The following UVRAG variants were observed in gnomAD, a reference collection of about 807,000 sequenced individuals.
UVRAG encodes UV radiation resistance associated.
Under a neutral mutation model 78.0 loss-of-function variants are expected in UVRAG, and 19 were observed. That is an observed-to-expected ratio of 0.24 (90% CI 0.17 to 0.36). The LOEUF (loss-of-function observed/expected upper bound fraction) is 0.36, where lower values mean the gene tolerates loss of function less well. UVRAG is among the 10% of genes least tolerant of loss of function. UVRAG has a pLI of 1.00. For synonymous variants in UVRAG, 323 were observed against 324.6 expected (o/e 1.00, Z 0.05); for missense variants, 740 against 853.8 (o/e 0.87, Z 1.66).
chr11:75,897,593 C>T (rs1947369751), intron 5 of UVRAG, among the ~76,000 whole-genome samples: 1 of 151,922 alleles, frequency 6.6e-6, no homozygotes, highest in Non-Finnish European at 1.5e-5. Flanking sequence ...GGCATGATCT[C>T]GGCTCACTGC....
At chr11:75,981,453 T>TA (rs1183841657) in intron 7 of UVRAG, among the ~76,000 whole-genome samples, 2 of 120,042 alleles carry the variant, frequency 1.7e-5, no homozygotes, top group Non-Finnish European at 3.2e-5. Flanking sequence ...TTTCTTTTCG[T>TA]TTTTTTTTTG....
At chr11:75,848,126 A>G (rs1946076314) in intron 1 of UVRAG, among the ~76,000 whole-genome samples, 1 of 149,390 alleles carries the variant, frequency 6.7e-6, no homozygotes, top group Admixed American at 6.7e-5. Context: ...TGAGCCTGGG[A>G]GGTTGAGGCT....
At position 75,983,417 on chromosome 11, in the gene UVRAG, A is replaced by G; in HGVS notation, c.730A>G (p.Ile244Val). 6.2e-7 allele frequency: 1 copy of G among 1,604,670 alleles called. No individual in the cohort carries two copies. The highest frequency in any genetic ancestry group is 8.5e-7 in the Non-Finnish European group (1 of 1,175,868). ...KKKSECLQLK[I>V]LVLQNELERQ... ...AAAAAGTGAATGCCTGCAGTTAAAA[A>G]TTTTGGTGCTTCAGAATGAACTGGA... is the stretch of plus-strand genomic sequence containing the variant. The change falls in exon 8 of 15, where the codon ATT becomes GTT. Residue 244 changes from isoleucine to valine, a missense_variant. Coordinates refer to ENST00000356136, the MANE Select transcript of UVRAG (RefSeq NM_003369.4).
At chr11:76,100,054 A>G (rs1391410925) in intron 13 of UVRAG, among the ~76,000 whole-genome samples, 1 of 152,136 alleles carries the variant, frequency 6.6e-6, no homozygotes, top group Non-Finnish European at 1.5e-5. Context: ...AATGTTACGC[A>G]TTCCCAATTT....
chr11:76,058,295 C>T (rs778915906), intron 12 of UVRAG, among the ~76,000 whole-genome samples: 1 of 152,032 alleles, frequency 6.6e-6, no homozygotes, highest in Non-Finnish European at 1.5e-5. Flanking sequence ...CTTTGGGAGG[C>T]TGAAGTGGGA....
chr11:75,833,451 T>G (rs1945707409), intron 1 of UVRAG, among the ~76,000 whole-genome samples: 1 of 152,204 alleles, frequency 6.6e-6, no homozygotes, highest in South Asian at 2.1e-4. Flanking sequence ...TCATGACCCT[T>G]TACCCTTAAA....
At chr11:75,883,610 G>A (rs1388357988) in intron 4 of UVRAG, among the ~76,000 whole-genome samples, 3 of 152,116 alleles carry the variant, frequency 2.0e-5, no homozygotes, top group African/African-American at 7.2e-5. Context: ...TTTCTACCAG[G>A]CATTGTTCTT....
chr11:76,017,004 A>G, intron 12 of UVRAG, 24 bp downstream of exon 12: 1 of 1,550,058 alleles, frequency 6.5e-7, no homozygotes, highest in Non-Finnish European at 8.7e-7. Context: ...TTTTAAAAAA[A>G]TGATTTTAAC....
chr11:75,853,418 G>A (rs912298694), intron 2 of UVRAG, among the ~76,000 whole-genome samples: 1 of 126,782 alleles, frequency 7.9e-6, no homozygotes, highest in African/African-American at 3.0e-5. Context: ...GGAGTGCAAT[G>A]GCGTGATCTC....
Position 75,876,114 on chromosome 11 carries a change from C to G in UVRAG, c.271-3765C>G, listed in dbSNP as rs186879614. ...GACCTCTAGATCTCCACTTACCTCT[C>G]TGGGTTCTTTCTTCCTTGGTTTGGA... is the stretch of plus-strand genomic sequence containing the variant. On this transcript the variant is annotated intron_variant, in intron 3 of 14. Coordinates refer to ENST00000356136, the MANE Select transcript of UVRAG (RefSeq NM_003369.4). Among the ~76,000 whole-genome samples the G allele has an allele frequency of 3.5e-4, 54 of 152,310 alleles. 1 individual carries two copies. The highest frequency in any genetic ancestry group is 1.2e-3 in the African/African-American group (50 of 41,560).
intron 13 of UVRAG, among the ~76,000 whole-genome samples, chr11:76,106,478 A>G (rs1951973099): frequency 6.6e-6 from 1 of 151,658 alleles, no homozygotes; most frequent in African/African-American, 2.4e-5. Context: ...CAATTCTCTC[A>G]CCTTAGCCTC....
intron 6 of UVRAG, among the ~76,000 whole-genome samples, chr11:75,959,997 C>G (rs972607562): frequency 2.6e-5 from 4 of 152,140 alleles, no homozygotes; most frequent in African/African-American, 9.7e-5. Context: ...ACGGGTACAG[C>G]TCGTGGTGCT....
At chr11:75,880,928 C>CTTTTTTTTTTT (rs773034018) in intron 4 of UVRAG, among the ~76,000 whole-genome samples, 1 of 87,708 alleles carries the variant, frequency 1.1e-5, no homozygotes, top group African/African-American at 4.3e-5. Flanking sequence ...TTATTTACTT[C>CTTTTTTTTTTT]TTTTTTTTTT....
In UVRAG at chr11:76,127,817, C is replaced by T. The variant is rs187043317; in HGVS notation, c.1397+11802C>T. Reference sequence around the variant, plus strand: ...ACTAAAAATACAAAAATTAGCCGGACGTGGTAGTGTATGCCTGTAATCCCA... The same window carrying T: ...ACTAAAAATACAAAAATTAGCCGGATGTGGTAGTGTATGCCTGTAATCCCA... On this transcript the variant is annotated intron_variant, in intron 14 of 14. Coordinates refer to ENST00000356136, the MANE Select transcript of UVRAG (RefSeq NM_003369.4). Among the ~76,000 whole-genome samples, 741 of 151,964 alleles carry T rather than the reference C, an allele frequency of 4.9e-3. 1 individual carries two copies. The highest frequency in any genetic ancestry group is 5.8e-3 in the Non-Finnish European group (394 of 67,970).
At chr11:75,840,226 ACT>A (rs1945880695) in intron 1 of UVRAG, among the ~76,000 whole-genome samples, 1 of 151,658 alleles carries the variant, frequency 6.6e-6, no homozygotes, top group Non-Finnish European at 1.5e-5. Context: ...ATGTGTACAA[ACT>A]CTAGTTCTTT....
At chr11:75,836,293 A>T (rs1179592827) in intron 1 of UVRAG, among the ~76,000 whole-genome samples, 1 of 152,182 alleles carries the variant, frequency 6.6e-6, no homozygotes, top group Non-Finnish European at 1.5e-5. Flanking sequence ...ATTCATATAG[A>T]CATTTTAAGT....
intron 8 of UVRAG, among the ~76,000 whole-genome samples, chr11:75,991,147 T>C (rs910505135): frequency 2.0e-5 from 3 of 152,192 alleles, no homozygotes; most frequent in Admixed American, 1.3e-4. Context: ...CATGAAGCAT[T>C]ATGATAAAGT....
At chr11:75,897,461 C>G (rs183535847) in intron 5 of UVRAG, among the ~76,000 whole-genome samples, 1 of 152,264 alleles carries the variant, frequency 6.6e-6, no homozygotes, top group East Asian at 1.9e-4. Flanking sequence ...ATTTATTGAA[C>G]TTGACATGGC....
intron 13 of UVRAG, among the ~76,000 whole-genome samples, chr11:76,103,865 T>C (rs965571747): frequency 1.3e-5 from 2 of 151,954 alleles, no homozygotes; most frequent in African/African-American, 4.8e-5. Flanking sequence ...TTTAAAAGAC[T>C]AAATATGTAT....
Sources: gnomAD v4.1 joint callset for allele counts (sites outside exome capture counted in the v4.1 genomes callset) on GRCh38, gnomAD v4.1.1 for gene constraint, MANE v1.5 for transcripts, NCBI Gene and HGNC (gene_info 2026-07-23, HGNC 2026-07-21) for gene names.